The following CLSTN2 variants were observed in gnomAD, a reference collection of about 807,000 sequenced individuals.
CLSTN2 encodes the protein calsyntenin-2.
Under a neutral mutation model 101.2 loss-of-function variants are expected in CLSTN2, and 48 were observed. The ratio of observed to expected loss-of-function variants is 0.47; its 90% CI spans 0.38 to 0.60. The LOEUF (loss-of-function observed/expected upper bound fraction) is 0.60. CLSTN2 is among the 20% of genes least tolerant of loss of function. CLSTN2 has a pLI of 0.00. For synonymous variants in CLSTN2, 481 were observed against 463.6 expected (o/e 1.04, Z -0.48); for missense variants, 1,160 against 1,238.2 (o/e 0.94, Z 0.95).
intron 1 of CLSTN2, among the ~76,000 whole-genome samples, chr3:140,092,969 T>G (rs80113543): frequency 6.6e-6 from 1 of 152,116 alleles, no homozygotes; most frequent in African/African-American, 2.4e-5. Flanking sequence ...GCTGATCAGC[T>G]TTTTTGGAAG....
chr3:140,256,868 A>G (rs1173292223), intron 2 of CLSTN2, among the ~76,000 whole-genome samples: 4 of 152,162 alleles, frequency 2.6e-5, no homozygotes, highest in African/African-American at 7.2e-5. Context: ...TTACATTCTG[A>G]TTCAAGAAGT....
chr3:140,481,157 C>G (rs1050983300), intron 8 of CLSTN2, among the ~76,000 whole-genome samples: 1 of 152,146 alleles, frequency 6.6e-6, no homozygotes, highest in African/African-American at 2.4e-5. Context: ...TTTCAGCTTT[C>G]TACATATGGC....
chr3:140,108,502 C>T (rs774745974), intron 1 of CLSTN2, among the ~76,000 whole-genome samples: 2 of 152,160 alleles, frequency 1.3e-5, no homozygotes, highest in Non-Finnish European at 2.9e-5. Context: ...TGTAAACCTG[C>T]TACTTTACCT....
chr3:140,046,064 T>G (rs1282547286), intron 1 of CLSTN2, among the ~76,000 whole-genome samples: 1 of 152,220 alleles, frequency 6.6e-6, no homozygotes, highest in Non-Finnish European at 1.5e-5. Flanking sequence ...TCAATTCCTG[T>G]ATATCCTTGT....
At chr3:140,024,074 C>T (rs2107756900) in intron 1 of CLSTN2, among the ~76,000 whole-genome samples, 1 of 152,252 alleles carries the variant, frequency 6.6e-6, no homozygotes, top group African/African-American at 2.4e-5. Context: ...CATAATGTAG[C>T]CAATCTGGGT....
Position 140,466,631 on chromosome 3 carries a change from C to A in CLSTN2, c.1244C>A (p.Ala415Asp), listed in dbSNP as rs985724729. ...DKTEMNRHHY[A>D]LYVHNCRLVF... is the part of the protein sequence containing the mutation. ...TCAGAAATGAACCGGCATCACTATG[C>A]CCTGTATGTGCACAACTGCCGCCTC... Residue 415 changes from alanine (A) to aspartate (D), a missense_variant, in exon 8 of 17, where the codon GCC becomes GAC. Coordinates refer to ENST00000458420, the MANE Select transcript of CLSTN2 (RefSeq NM_022131.3). 1 of 1,614,154 alleles carries A rather than the reference C, an allele frequency of 6.2e-7. No individual in the cohort carries two copies. Among genetic ancestry groups the A allele is most frequent in the Non-Finnish European group, 8.5e-7 (1 of 1,180,012 alleles).
At chr3:140,163,063 G>A (rs1375887901) in intron 1 of CLSTN2, among the ~76,000 whole-genome samples, 2 of 152,144 alleles carry the variant, frequency 1.3e-5, no homozygotes, top group African/African-American at 4.8e-5. Flanking sequence ...AACTTCTTCA[G>A]TGCATGTGAT....
chr3:140,205,383 C>G (rs531520187), intron 2 of CLSTN2, among the ~76,000 whole-genome samples: 3 of 152,028 alleles, frequency 2.0e-5, no homozygotes, highest in African/African-American at 7.2e-5. Context: ...GATAAGAAGA[C>G]AAAACAGATG....
intron 2 of CLSTN2, among the ~76,000 whole-genome samples, chr3:140,255,535 T>C (rs2107878968): frequency 6.6e-6 from 1 of 152,284 alleles, no homozygotes; most frequent in East Asian, 1.9e-4. Context: ...TTGTCACTTA[T>C]AAGTGGGAGC....
intron 8 of CLSTN2, among the ~76,000 whole-genome samples, chr3:140,516,818 T>A (rs1163623416): frequency 6.6e-6 from 1 of 152,182 alleles, no homozygotes; most frequent in Non-Finnish European, 1.5e-5. Context: ...TAGGCAATGA[T>A]CTTTTTGTGA....
intron 1 of CLSTN2, among the ~76,000 whole-genome samples, chr3:140,147,291 C>G (rs935572294): frequency 6.6e-6 from 1 of 152,210 alleles, no homozygotes; most frequent in East Asian, 1.9e-4. Flanking sequence ...GACCTTCTTG[C>G]TTTATGCCCA....
chr3:140,277,357 T>C (rs982125603), intron 2 of CLSTN2, among the ~76,000 whole-genome samples: 1 of 152,186 alleles, frequency 6.6e-6, no homozygotes, highest in Admixed American at 6.5e-5. Context: ...TCAAAGCCCA[T>C]GCTCCTTGCT....
chr3:140,467,447 G>A (rs779811635), intron 8 of CLSTN2, among the ~76,000 whole-genome samples: 30 of 152,170 alleles, frequency 2.0e-4, no homozygotes, highest in Non-Finnish European at 3.8e-4. Context: ...GGGACCAGGC[G>A]CTAATTGTTC....
intron 1 of CLSTN2, among the ~76,000 whole-genome samples, chr3:140,172,890 A>T (rs1472909431): frequency 1.3e-5 from 2 of 152,216 alleles, no homozygotes; most frequent in Non-Finnish European, 2.9e-5. Context: ...GGTCTCTCCC[A>T]CAACATGTGG....
chr3:140,201,964 C>T (rs569616949), intron 2 of CLSTN2, among the ~76,000 whole-genome samples: 3 of 152,162 alleles, frequency 2.0e-5, no homozygotes, highest in Non-Finnish European at 2.9e-5. Context: ...AGCAAAGTTT[C>T]GAAGGAAATG....
chr3:140,529,772 C>T (rs1192741062), intron 8 of CLSTN2, among the ~76,000 whole-genome samples: 1 of 152,212 alleles, frequency 6.6e-6, no homozygotes, highest in Non-Finnish European at 1.5e-5. Flanking sequence ...AGCATTCCTA[C>T]CTTTGACTCT....
At chr3:140,534,880 C>T (rs530384643) in intron 9 of CLSTN2, among the ~76,000 whole-genome samples, 7 of 152,192 alleles carry the variant, frequency 4.6e-5, no homozygotes, top group African/African-American at 1.2e-4. Context: ...CTCTTTCCCA[C>T]GTAGAAAATA....
At chr3:139,962,576 T>A (rs1219906834) in intron 1 of CLSTN2, among the ~76,000 whole-genome samples, 1 of 152,204 alleles carries the variant, frequency 6.6e-6, no homozygotes, top group East Asian at 1.9e-4. Flanking sequence ...TATGATTTAT[T>A]TATTTTGTAA....
intron 5 of CLSTN2, 44 bp downstream of exon 5, chr3:140,421,318 A>T: frequency 6.2e-7 from 1 of 1,610,140 alleles, no homozygotes. Context: ...GCATGGTCTG[A>T]TGTATAGAAG....
Sources: gnomAD v4.1 joint callset for allele counts (sites outside exome capture counted in the v4.1 genomes callset) on GRCh38, gnomAD v4.1.1 for gene constraint, MANE v1.5 for transcripts, NCBI Gene and HGNC (gene_info 2026-07-23, HGNC 2026-07-21) for gene names.